SMG7: variants seen among roughly 807,000 people sequenced by gnomAD.
SMG7 encodes the protein SMG7 nonsense mediated mRNA decay factor.
A neutral mutation model predicts 148.2 loss-of-function variants in SMG7; 34 were observed. The observed-to-expected ratio is 0.23, with a 90% CI of 0.17 to 0.31. The LOEUF (loss-of-function observed/expected upper bound fraction) is 0.31, where lower values mean the gene tolerates loss of function less well. Ranked by LOEUF, SMG7 falls within the 10% of genes least tolerant of loss-of-function variation. The pLI, the probability that SMG7 is intolerant of heterozygous loss-of-function variation, is 1.00. For missense variants in SMG7, 1,114 were observed against 1,408.4 expected, an observed-to-expected ratio of 0.79 and a Z score of 3.35; for synonymous variants, 492 against 515.1, an observed-to-expected ratio of 0.96 and a Z score of 0.61.
rs1658578940 is a variant in SMG7 at position 183,496,757 on chromosome 1, A to G, written c.30-16080A>G. On this transcript the variant is annotated intron_variant, in intron 1 of 22. Transcript: ENST00000688051. ...TCCAGTGTTTTGGCTTCCCTGGGTTACATTGGAAAAAGAAGAATTGTCTTG... is the reference window on the plus strand; with the variant it reads ...TCCAGTGTTTTGGCTTCCCTGGGTTGCATTGGAAAAAGAAGAATTGTCTTG... 2.6e-5 allele frequency among the ~76,000 whole-genome samples: 4 copies of G among 152,232 alleles called. No individual in the cohort carries two copies. The South Asian group carries it at 8.3e-4, about 31-fold the overall frequency.
chr1:183,539,865 C>T (rs903972066), intron 12 of SMG7, among the ~76,000 whole-genome samples: 1 of 152,168 alleles, frequency 6.6e-6, no homozygotes, highest in Non-Finnish European at 1.5e-5. Context: ...AACCTTCCTA[C>T]GTATAGTTCT....
chr1:183,517,334 AT>A (rs966441450), intron 3 of SMG7, among the ~76,000 whole-genome samples: 3 of 152,214 alleles, frequency 2.0e-5, no homozygotes, highest in African/African-American at 7.2e-5. Flanking sequence ...ATTTGGCACT[AT>A]ATGTAGAAAT....
chr1:183,494,367 TG>T (rs1400398355), intron 1 of SMG7, among the ~76,000 whole-genome samples: 7 of 151,276 alleles, frequency 4.6e-5, no homozygotes, highest in Admixed American at 4.6e-4. Flanking sequence ...TTTTGGTTTT[TG>T]TTTTTTTTTT....
intron 6 of SMG7, 30 bp downstream of exon 6, chr1:183,528,057 C>G (rs374757183): frequency 5.9e-5 from 91 of 1,541,922 alleles, no homozygotes; most frequent in Non-Finnish European, 8.0e-5. Flanking sequence ...TGAGATTGAC[C>G]GTGACACTTT....
chr1:183,508,100 T>A, intron 1 of SMG7: 1 of 936,028 alleles, frequency 1.1e-6, no homozygotes, highest in South Asian at 5.0e-5. Flanking sequence ...TTTAAAGTTC[T>A]TGCCTCTCTG....
chr1:183,517,703 T>TA lies in SMG7; in HGVS notation c.197dup (p.Asn67GlufsTer20). On this transcript the variant is annotated frameshift_variant, in exon 4 of 23. Coordinates refer to ENST00000688051, the MANE Select transcript of SMG7 (RefSeq NM_001375584.1). LOFTEE classifies it high-confidence loss of function. ...TTGTTTTCAGCTGGAATCACGCCTTTAAGAATCAGATCACAACACTGCAAG... is the reference window on the plus strand; with the variant it reads ...TTGTTTTCAGCTGGAATCACGCCTTTAAAGAATCAGATCACAACACTGCAAG... 6.2e-7 allele frequency: 1 copy of TA among 1,614,046 alleles called. No homozygotes were observed. The highest frequency in any genetic ancestry group is 2.2e-5 in the East Asian group (1 of 44,866).
rs749180897 is a variant in SMG7, at chr1:183,512,883, A to C, written c.61+15A>C. On this transcript the variant is annotated intron_variant, in intron 2 of 22. Transcript: ENST00000688051. Reference sequence around the variant, plus strand: ...TGACATGACAGGTATTGGCTGGCTTATTTCTTTTTCACAACATATTTTATA... The same window carrying C: ...TGACATGACAGGTATTGGCTGGCTTCTTTCTTTTTCACAACATATTTTATA... 12 of 1,518,340 alleles carry C rather than the reference A, an allele frequency of 7.9e-6. No homozygotes were observed. Among genetic ancestry groups the C allele is most frequent in the Non-Finnish European group, 8.8e-6 (10 of 1,142,712 alleles). The allele number at this position is 1,518,340 out of a possible 1,614,324, so 94.1% of individuals were successfully genotyped here.
intron 14 of SMG7, among the ~76,000 whole-genome samples, chr1:183,542,718 C>CT (rs1257236941): frequency 6.6e-6 from 1 of 152,098 alleles, no homozygotes; most frequent in Non-Finnish European, 1.5e-5. Context: ...TGATTTGACA[C>CT]TTTCGTCAGT....
chr1:183,521,339 TCCACCCA>T (rs1664721818), intron 4 of SMG7, among the ~76,000 whole-genome samples: 1 of 152,184 alleles, frequency 6.6e-6, no homozygotes, highest in South Asian at 2.1e-4. Context: ...CCTCAGGTGA[TCCACCCA>T]CCTCTGCCTC....
rs1663809221 is a variant in SMG7 at position 183,517,484 on chromosome 1, T to C, written c.180-204T>C. On this transcript the variant is annotated intron_variant, in intron 3 of 22. Transcript: ENST00000688051. ...ATTATTCGAACATTTGGTAAGTGTTTACTAAGGTCAGTTGGATTCTACTGC... is the reference window on the plus strand; with the variant it reads ...ATTATTCGAACATTTGGTAAGTGTTCACTAAGGTCAGTTGGATTCTACTGC... The C allele has an allele frequency of 1.0e-5, 6 of 594,456 alleles. No individual in the cohort carries two copies. In the East Asian group the frequency reaches 1.8e-4, roughly 18 times the overall value. 36.8% of individuals were successfully genotyped at this position (594,456 alleles called of 1,614,324 possible).
intron 4 of SMG7, among the ~76,000 whole-genome samples, chr1:183,524,071 C>T (rs1303920956): frequency 6.6e-6 from 1 of 151,026 alleles, no homozygotes; most frequent in Admixed American, 6.6e-5. Context: ...TTTATGTATT[C>T]ATTTTATTTT....
At chr1:183,529,563 C>T in intron 8 of SMG7, 30 bp downstream of exon 8, 1 of 1,592,382 alleles carries the variant, frequency 6.3e-7, no homozygotes, top group East Asian at 2.2e-5. Context: ...GAATTTTTGT[C>T]TTGTCTAAAT....
At position 183,515,854 on chromosome 1, in the gene SMG7, T is replaced by TTTTTG; in HGVS notation, c.62-15_62-11dup. ...TGGGGTTTATCTATCTACCGTTATGTTTTTGTTTTTGTTACTCAGATTCTA... is the reference window on the plus strand; with the variant it reads ...TGGGGTTTATCTATCTACCGTTATGTTTTTGTTTTGTTTTTGTTACTCAGATTCTA... On this transcript the variant is annotated intron_variant, in intron 2 of 22. Transcript: ENST00000688051. The TTTTTG allele has an allele frequency of 2.0e-6, 3 of 1,506,550 alleles. No individual in the cohort carries two copies. The highest frequency in any genetic ancestry group is 2.8e-6 in the Non-Finnish European group (3 of 1,082,740). The allele number at this position is 1,506,550 out of a possible 1,614,324, so 93.3% of individuals were successfully genotyped here.
intron 1 of SMG7, among the ~76,000 whole-genome samples, chr1:183,483,623 ATATAT>A (rs1482898920): frequency 8.5e-5 from 13 of 152,284 alleles, no homozygotes; most frequent in Admixed American, 2.0e-4. Context: ...AACTTGTGTA[ATATAT>A]TATGAGGTGA....
At chr1:183,483,369 C>A (rs1217733894) in intron 1 of SMG7, among the ~76,000 whole-genome samples, 1 of 151,984 alleles carries the variant, frequency 6.6e-6, no homozygotes, top group Non-Finnish European at 1.5e-5. Flanking sequence ...GATCACCTAA[C>A]CAGATTATCT....
chr1:183,473,806 G>T, intron 1 of SMG7: 7 of 985,340 alleles, frequency 7.1e-6, no homozygotes, highest in Non-Finnish European at 8.4e-6. Flanking sequence ...GTTGGATGAG[G>T]TGGAAGTCTG....
chr1:183,552,534 T>C lies in SMG7; in HGVS notation c.*603T>C. On this transcript the variant is annotated 3_prime_UTR_variant, in exon 23 of 23. Coordinates refer to ENST00000688051, the MANE Select transcript of SMG7 (RefSeq NM_001375584.1). ...GGTGACAGGATGGGGAACCGACCTC[T>C]TCAGCCAGTGGAAATGTTCCATAAG... 1.0e-6 allele frequency: 1 copy of C among 1,002,644 alleles called. No homozygotes were observed. The highest frequency in any genetic ancestry group is 1.7e-5 in the African/African-American group (1 of 57,694). 62.1% of individuals were successfully genotyped at this position (1,002,644 alleles called of 1,614,324 possible).
At chr1:183,513,382 T>G (rs1662641834) in intron 2 of SMG7, 1 of 149,826 alleles carries the variant, frequency 6.7e-6, no homozygotes, top group Non-Finnish European at 1.5e-5. Context: ...TTTTTTTTTT[T>G]TTTTTTTGAG....
intron 1 of SMG7, among the ~76,000 whole-genome samples, chr1:183,483,582 T>G (rs1174079399): frequency 6.6e-6 from 1 of 152,184 alleles, no homozygotes; most frequent in Non-Finnish European, 1.5e-5. Flanking sequence ...TCTTAGGACA[T>G]CTGCAGAATT....
Sources: gnomAD v4.1 joint callset for allele counts (sites outside exome capture counted in the v4.1 genomes callset) on GRCh38, gnomAD v4.1.1 for gene constraint, MANE v1.5 for transcripts, NCBI Gene and HGNC (gene_info 2026-07-23, HGNC 2026-07-21) for gene names.